The following EP400 variants were observed in gnomAD, a reference collection of about 807,000 sequenced individuals.
EP400 encodes the protein E1A-binding protein p400.
EP400 carries 105 observed loss-of-function variants against 354.1 expected under a neutral mutation model. The observed-to-expected ratio is 0.30, with a 90% CI of 0.25 to 0.35. EP400 has a LOEUF of 0.35. Ranked by LOEUF, EP400 falls within the 10% of genes least tolerant of loss-of-function variation. The probability of loss-of-function intolerance (pLI) is 1.00; values close to 1 mark genes in which losing one functional copy is unlikely to be tolerated. For missense variants in EP400, 3,280 were observed against 4,121.0 expected (o/e 0.80, Z 5.59); for synonymous variants, 1,646 against 1,716.9 (o/e 0.96, Z 1.02).
chr12:131,961,102 C>G lies in EP400; in HGVS notation c.483C>G (p.Leu161=). The part of the protein sequence containing the change: ...RAGAPGPGLG[L]CSSSPTGGFV... ...GTGCCCCTGGCCCTGGGCTGGGCCTCTGCAGCAGCAGCCCTACAGGGGGCT... is the reference window on the plus strand; with the variant it reads ...GTGCCCCTGGCCCTGGGCTGGGCCTGTGCAGCAGCAGCCCTACAGGGGGCT... Residue 161 remains leucine, a synonymous_variant, in exon 2 of 53, where the codon CTC becomes CTG. Coordinates refer to ENST00000389561, the MANE Select transcript of EP400 (RefSeq NM_015409.5). 1 of 1,608,836 alleles carries G rather than the reference C, an allele frequency of 6.2e-7. No homozygotes were observed. The highest frequency in any genetic ancestry group is 8.5e-7 in the Non-Finnish European group (1 of 1,177,638).
chr12:131,993,031 GAAACA>G (rs1203280662), intron 11 of EP400, among the ~76,000 whole-genome samples: 1 of 152,210 alleles, frequency 6.6e-6, no homozygotes, highest in African/African-American at 2.4e-5. Context: ...GCGTATGACA[GAAACA>G]AAACAACAGT....
rs1307720365 is a variant in EP400, at chr12:132,055,087, C to A, written c.7775-12C>A. ...CCTGGCGCTGTTGCCTTATGCCCGC[C>A]TGTCTCCGCAGGTGCCGTGAGTGGA... is the stretch of plus-strand genomic sequence containing the variant. On this transcript the variant is annotated splice_polypyrimidine_tract_variant and intron_variant, in intron 44 of 52. Coordinates refer to ENST00000389561, the MANE Select transcript of EP400 (RefSeq NM_015409.5). The A allele has an allele frequency of 1.9e-6, 3 of 1,613,760 alleles. No individual in the cohort carries two copies. Among genetic ancestry groups the A allele is most frequent in the Non-Finnish European group, 2.5e-6 (3 of 1,179,894 alleles).
rs1893575436 is a variant in EP400 at position 132,006,206 on chromosome 12, G to T, written c.3030G>T (p.Arg1010Ser). The change falls in exon 14 of 53, where the codon AGG becomes AGT. Residue 1010 changes from arginine to serine, a missense_variant. Arg to Ser is a moderately radical substitution (Grantham distance 110). Coordinates refer to ENST00000389561, the MANE Select transcript of EP400 (RefSeq NM_015409.5). Reference sequence around the variant, plus strand: ...TGGATCAGTTCAAAGCTGCCGAGAGGATGAATATCGGGAAGCCAAACGCCA... The same window carrying T: ...TGGATCAGTTCAAAGCTGCCGAGAGTATGAATATCGGGAAGCCAAACGCCA... ...FIMDQFKAAE[R>S]MNIGKPNAKD... 6.2e-7 allele frequency: 1 copy of T among 1,614,224 alleles called. No individual in the cohort carries two copies. The highest frequency in any genetic ancestry group is 1.1e-5 in the South Asian group (1 of 91,090).
Position 132,006,092 on chromosome 12 carries a change from C to T in EP400, c.2936-20C>T. The T allele has an allele frequency of 6.3e-7, 1 of 1,598,530 alleles. No individual in the cohort carries two copies. Among genetic ancestry groups the T allele is most frequent in the Non-Finnish European group, 8.6e-7 (1 of 1,169,408 alleles). ...AGCCTTCTCAGTGGCCCTCACTTCT[C>T]TGTTTTATTGTCGTTACAGATGCAG... On this transcript the variant is annotated intron_variant, in intron 13 of 52. Transcript: ENST00000389561.
chr12:132,045,876 C>T lies in EP400; in HGVS notation c.7176C>T (p.Val2392=). 6 of 1,614,232 alleles carry T rather than the reference C, an allele frequency of 3.7e-6. No individual in the cohort carries two copies. The highest frequency in any genetic ancestry group is 5.1e-6 in the Non-Finnish European group (6 of 1,180,044). ...SKQCRNRYEN[V]IIPREEGKSK... The stretch of plus-strand genomic sequence containing the variant: ...AGTGCCGGAATCGCTACGAGAATGT[C>T]ATCATTCCACGAGAGGAGGGGAAGG... Residue 2392 remains valine, a synonymous_variant, in exon 39 of 53, where the codon GTC becomes GTT. Coordinates refer to ENST00000389561, the MANE Select transcript of EP400 (RefSeq NM_015409.5).
At chr12:131,996,148 G>C (rs1893206860) in intron 12 of EP400, among the ~76,000 whole-genome samples, 1 of 152,080 alleles carries the variant, frequency 6.6e-6, no homozygotes, top group African/African-American at 2.4e-5. Flanking sequence ...TGCTGTTGGT[G>C]GCCATTCACC....
intron 12 of EP400, among the ~76,000 whole-genome samples, chr12:131,997,071 A>G (rs759541067): frequency 7.9e-5 from 12 of 152,088 alleles, no homozygotes; most frequent in Non-Finnish European, 1.6e-4. Flanking sequence ...ATGAGGAAAA[A>G]AAAATTGGTT....
chr12:131,983,410 C>T (rs929162562), intron 5 of EP400, among the ~76,000 whole-genome samples: 6 of 152,244 alleles, frequency 3.9e-5, no homozygotes, highest in African/African-American at 1.4e-4. Context: ...AATGCCCCTC[C>T]TCCTCCACTG....
At chr12:131,966,624 C>A (rs1357101257) in intron 2 of EP400, among the ~76,000 whole-genome samples, 2 of 148,502 alleles carry the variant, frequency 1.3e-5, no homozygotes, top group African/African-American at 5.0e-5. Context: ...AAAAATTAGG[C>A]CGGGCGTGGT....
rs569366093 is a variant in EP400, at chr12:131,982,123, A to G, written c.1574A>G (p.Gln525Arg). Residue 525 changes from glutamine to arginine, a missense_variant, in exon 5 of 53, where the codon CAG (glutamine) becomes CGG (arginine). Transcript: ENST00000389561. ...GGMPPTPQAAQLAGQRQSQQQ... is the reference protein window; with the variant it reads ...GGMPPTPQAARLAGQRQSQQQ... The stretch of plus-strand genomic sequence containing the variant: ...ATGCCCCCCACGCCGCAGGCCGCGC[A>G]GCTCGCTGGACAGAGGCAGAGTCAG... 4.5e-6 allele frequency: 7 copies of G among 1,551,238 alleles called. No homozygotes were observed. The highest frequency in any genetic ancestry group is 5.2e-6 in the Non-Finnish European group (6 of 1,147,406).
chr12:132,018,261 C>A lies in EP400; in HGVS notation c.4162C>A (p.Arg1388Ser). 6.2e-7 allele frequency: 1 copy of A among 1,613,628 alleles called. No homozygotes were observed. The highest frequency in any genetic ancestry group is 8.5e-7 in the Non-Finnish European group (1 of 1,179,888). ...DLIGLENKITRHEAELLSKKK... is the reference protein window; with the variant it reads ...DLIGLENKITSHEAELLSKKK... ...CATCGGCTTAGAAAATAAAATCACTCGTCACGAGGCAGAGTTGCTGTCTAA... is the reference window on the plus strand; with the variant it reads ...CATCGGCTTAGAAAATAAAATCACTAGTCACGAGGCAGAGTTGCTGTCTAA... Residue 1388 changes from arginine to serine, a missense_variant, in exon 21 of 53, where the codon CGT becomes AGT. Arg to Ser is a moderately radical substitution (Grantham distance 110, BLOSUM62 -1). Transcript: ENST00000389561. This position sits in a 1 kb window ranked among gnomAD's most constrained non-coding sequence, Gnocchi z 4.0.
Position 132,021,060 on chromosome 12 carries a change from C to G in EP400, c.4448-19C>G, listed in dbSNP as rs1420286151. 1.3e-6 allele frequency: 2 copies of G among 1,582,140 alleles called. No individual in the cohort carries two copies. Among genetic ancestry groups the G allele is most frequent in the Non-Finnish European group, 1.7e-6 (2 of 1,169,628 alleles). On this transcript the variant is annotated intron_variant, in intron 22 of 52. Transcript: ENST00000389561. ...AGAACCTCTAACAGCTTTGCACAAA[C>G]AAACCTTATCGATTGCAGCAGCAGC...
In EP400 at chr12:132,053,195, C is replaced by T; in HGVS notation, c.7444C>T (p.Arg2482Cys). The part of the protein sequence containing the change: ...PLPPIQVASL[R>C]AERIAKEKKA... ...GCCTCCCATCCAGGTGGCATCTCTC[C>T]GTGCAGAGCGAATCGCAAAAGAGAA... Residue 2482 changes from arginine to cysteine, a missense_variant, in exon 42 of 53, where the codon CGT (arginine) becomes TGT (cysteine). Arg to Cys is a radical substitution (Grantham distance 180). This residue lies in a region of EP400 where 29 missense variants were observed against 86.0 expected (regional missense o/e 0.34). Coordinates refer to ENST00000389561, the MANE Select transcript of EP400 (RefSeq NM_015409.5). 6.2e-7 allele frequency: 1 copy of T among 1,613,982 alleles called. No individual in the cohort carries two copies. Among genetic ancestry groups the T allele is most frequent in the Non-Finnish European group, 8.5e-7 (1 of 1,179,994 alleles).
Position 131,979,682 on chromosome 12 carries a change from C to T in EP400, c.1336-12C>T, listed in dbSNP as rs1566170155. ...AGTGATCAAAATCTCATTTTTTCAT[C>T]TTTTTTCCCAGCAGCAAGCCCTCGC... On this transcript the variant is annotated splice_polypyrimidine_tract_variant and intron_variant, in intron 2 of 52. Coordinates refer to ENST00000389561, the MANE Select transcript of EP400 (RefSeq NM_015409.5). The T allele has an allele frequency of 3.1e-6, 5 of 1,595,492 alleles. No homozygotes were observed. In the Admixed American group the frequency reaches 5.4e-5, roughly 17 times the overall value.
chr12:132,021,415 A>C, intron 23 of EP400, 94 bp downstream of exon 23: 5 of 1,403,222 alleles, frequency 3.6e-6, no homozygotes, highest in Admixed American at 3.0e-5. Flanking sequence ...CTTGCTGTCC[A>C]CTCCTTTGTC....
intron 12 of EP400, among the ~76,000 whole-genome samples, chr12:132,001,294 C>T (rs570295690): frequency 2.0e-5 from 3 of 152,144 alleles, no homozygotes; most frequent in East Asian, 1.9e-4. Context: ...GGTAGGGTCA[C>T]GTGGGTTACG....
intron 32 of EP400, among the ~76,000 whole-genome samples, chr12:132,041,010 G>A (rs542126225): frequency 8.5e-5 from 13 of 152,328 alleles, no homozygotes; most frequent in South Asian, 2.1e-4. Flanking sequence ...GGCAGCAGGC[G>A]GGTCTTTGGA....
At chr12:131,989,592 A>G (rs570099769) in intron 7 of EP400, among the ~76,000 whole-genome samples, 22 of 152,364 alleles carry the variant, frequency 1.4e-4, no homozygotes, top group African/African-American at 4.8e-4. Flanking sequence ...TCGCAGCCCA[A>G]TAATTTCTAT....
chr12:132,068,823 C>G (rs1895981728), intron 50 of EP400: 4 of 152,528 alleles, frequency 2.6e-5, no homozygotes, highest in Admixed American at 2.6e-4. Context: ...TCAGCAGTCC[C>G]TGGGTGCGTC....
Sources: gnomAD v4.1 joint callset for allele counts (sites outside exome capture counted in the v4.1 genomes callset) on GRCh38, gnomAD v4.1.1 for gene constraint, gnomAD v4.1.1 regional missense constraint, Gnocchi (gnomAD v3.1) non-coding constraint, MANE v1.5 for transcripts, NCBI Gene and HGNC (gene_info 2026-07-23, HGNC 2026-07-21) for gene names.